BLTP2: variants seen among roughly 807,000 people sequenced by gnomAD.
The protein encoded by BLTP2 is bridge-like lipid transfer protein family member 2.
the BLTP2 span, among the ~76,000 whole-genome samples, chr17:28,622,469 T>C: frequency 1.3e-5 from 2 of 152,154 alleles, no homozygotes; most frequent in Admixed American, 6.6e-5. Flanking sequence ...GAACTGCAAA[T>C]GGACTTATCA....
At chr17:28,621,288 A>T in the BLTP2 span, 3 of 1,431,582 alleles carry the variant, frequency 2.1e-6, no homozygotes, top group Admixed American at 3.4e-5. Context: ...CCTAGCACAA[A>T]ATGGTCCTAC....
the BLTP2 span, among the ~76,000 whole-genome samples, chr17:28,630,777 C>T: frequency 6.6e-6 from 1 of 152,124 alleles, no homozygotes; most frequent in African/African-American, 2.4e-5. Context: ...AGCCACCGCA[C>T]CCAGCCCTCC....
the BLTP2 span, chr17:28,631,358 T>G: frequency 5.5e-6 from 5 of 905,256 alleles, no homozygotes; most frequent in Non-Finnish European, 8.6e-6. Context: ...TAGCCAAAAC[T>G]CATAAATAAA....
chr17:28,614,859 G>A, the BLTP2 span: 1 of 522,612 alleles, frequency 1.9e-6, no homozygotes, highest in Non-Finnish European at 3.4e-6. Flanking sequence ...TGCCTCTCTG[G>A]CCCTGAGCCT....
the BLTP2 span, chr17:28,639,270 G>C: frequency 6.2e-7 from 1 of 1,607,552 alleles, no homozygotes; most frequent in Non-Finnish European, 8.5e-7. Flanking sequence ...AAGAATCCCA[G>C]AGAATCCAAC....
chr17:28,625,519 C>T, the BLTP2 span, among the ~76,000 whole-genome samples: 38 of 152,114 alleles, frequency 2.5e-4, no homozygotes, highest in African/African-American at 5.1e-4. Flanking sequence ...TTACTAGTGA[C>T]GCAAATTCAG....
the BLTP2 span, chr17:28,638,110 ACGGATC>A: frequency 2.5e-6 from 4 of 1,612,478 alleles, no homozygotes; most frequent in Non-Finnish European, 3.4e-6. Flanking sequence ...GAAGAAGCAG[ACGGATC>A]CCATTAGAAG....
the BLTP2 span, among the ~76,000 whole-genome samples, chr17:28,626,269 A>C: frequency 6.6e-6 from 1 of 152,242 alleles, no homozygotes; most frequent in South Asian, 2.1e-4. Context: ...GCCCTATATG[A>C]AAGGTCTTTG....
At chr17:28,619,393 G>A in the BLTP2 span, among the ~76,000 whole-genome samples, 3 of 152,044 alleles carry the variant, frequency 2.0e-5, no homozygotes, top group Admixed American at 6.6e-5. Context: ...CACTTTGGGA[G>A]GCCAAGGCAG....
chr17:28,621,357 T>C, the BLTP2 span: 1 of 1,540,244 alleles, frequency 6.5e-7, no homozygotes, highest in South Asian at 1.1e-5. Context: ...GGGATGCACA[T>C]CTGCTCCTAA....
chr17:28,621,433 C>A, the BLTP2 span: 15 of 1,613,980 alleles, frequency 9.3e-6, no homozygotes, highest in Non-Finnish European at 1.3e-5. Context: ...CCACTGCCTG[C>A]CCACTCTCCA....
At chr17:28,621,223 G>T in the BLTP2 span, 1 of 1,567,322 alleles carries the variant, frequency 6.4e-7, no homozygotes, top group Non-Finnish European at 8.8e-7. Context: ...TAAAGATAAT[G>T]TGAGAGCCTC....
At chr17:28,635,534 T>C in the BLTP2 span, 15 of 1,613,652 alleles carry the variant, frequency 9.3e-6, no homozygotes, top group East Asian at 2.7e-4. Context: ...CACTGTAGAG[T>C]GGCCAGGACA....
At chr17:28,627,555 C>T in the BLTP2 span, among the ~76,000 whole-genome samples, 1 of 152,070 alleles carries the variant, frequency 6.6e-6, no homozygotes, top group African/African-American at 2.4e-5. Context: ...TACAAGCACC[C>T]GCCACCATGC....
chr17:28,636,862 ACT>A, the BLTP2 span: 1 of 935,940 alleles, frequency 1.1e-6, no homozygotes, highest in South Asian at 1.5e-5. Flanking sequence ...AACATGTGAC[ACT>A]CTGTTTTGGG....
At chr17:28,617,071 G>T in the BLTP2 span, 1 of 1,251,314 alleles carries the variant, frequency 8.0e-7, no homozygotes, top group Non-Finnish European at 1.1e-6. Context: ...CAAATCCTCT[G>T]CAGAATGAGA....
the BLTP2 span, chr17:28,634,447 A>C: frequency 9.2e-3 from 13,121 of 1,422,046 alleles, 91 homozygotes; most frequent in Middle Eastern, 0.026. Flanking sequence ...AGTTCCTCTG[A>C]AATCACTGAG....
the BLTP2 span, chr17:28,638,636 G>A: frequency 6.3e-7 from 1 of 1,595,988 alleles, no homozygotes; most frequent in South Asian, 1.1e-5. Context: ...GGATTTGGGG[G>A]AAGGTTCTGC....
At chr17:28,619,101 C>A in the BLTP2 span, 2 of 660,388 alleles carry the variant, frequency 3.0e-6, no homozygotes, top group Non-Finnish European at 5.0e-6. Context: ...CCAGTCCCTA[C>A]ATTTTTTTCA....
Sources: allele counts gnomAD v4.1 joint callset (sites outside exome capture counted in the v4.1 genomes callset), GRCh38; gene constraint gnomAD v4.1.1; transcripts MANE v1.5; gene names NCBI Gene and HGNC (gene_info 2026-07-23, HGNC 2026-07-21).